The following EXOC6B variants were observed in gnomAD, a reference collection of about 807,000 sequenced individuals.
EXOC6B encodes the protein SEC15 homolog B.
Under a neutral mutation model 113.5 loss-of-function variants are expected in EXOC6B, and 54 were observed. The observed-to-expected ratio is 0.48, with a 90% CI of 0.38 to 0.60. The LOEUF (loss-of-function observed/expected upper bound fraction) is 0.60. EXOC6B is among the 20% of genes least tolerant of loss of function. The probability of loss-of-function intolerance (pLI) is 0.00; values close to 1 mark genes in which losing one functional copy is unlikely to be tolerated. For missense variants in EXOC6B, 797 were observed against 977.5 expected (o/e 0.82, Z 2.46); for synonymous variants, 357 against 339.0 (o/e 1.05, Z -0.58).
intron 20 of EXOC6B, among the ~76,000 whole-genome samples, chr2:72,326,965 G>C (rs1473636524): frequency 6.6e-6 from 1 of 151,972 alleles, no homozygotes; most frequent in East Asian, 1.9e-4. Context: ...CCATGAGTCA[G>C]AAGGCCAAAC....
chr2:72,388,044 T>G (rs965567113), intron 18 of EXOC6B, among the ~76,000 whole-genome samples: 1 of 152,094 alleles, frequency 6.6e-6, no homozygotes, highest in Non-Finnish European at 1.5e-5. Context: ...ACATGTTTGG[T>G]TGTCACAACT....
At chr2:72,620,101 G>T (rs796667575) in intron 6 of EXOC6B, among the ~76,000 whole-genome samples, 9 of 152,338 alleles carry the variant, frequency 5.9e-5, no homozygotes, top group African/African-American at 2.2e-4. Flanking sequence ...CCAGTCCTTC[G>T]AGGAAGCTGG....
chr2:72,199,959 C>T (rs922902863), intron 20 of EXOC6B, among the ~76,000 whole-genome samples: 3 of 152,122 alleles, frequency 2.0e-5, no homozygotes, highest in Admixed American at 6.6e-5. Context: ...TGCAACGGCA[C>T]GATCTCGGCT....
chr2:72,750,661 T>C (rs1005341964), intron 1 of EXOC6B, among the ~76,000 whole-genome samples: 2 of 152,106 alleles, frequency 1.3e-5, no homozygotes, highest in African/African-American at 2.4e-5. Context: ...CCATGATAAT[T>C]TGAAAGCACA....
At chr2:72,474,777 G>C (rs1558706184) in intron 17 of EXOC6B, among the ~76,000 whole-genome samples, 1 of 152,038 alleles carries the variant, frequency 6.6e-6, no homozygotes, top group Non-Finnish European at 1.5e-5. Context: ...TTTGGGACCT[G>C]TTGTTGGAGA....
chr2:72,664,279 A>G (rs1675229470), intron 6 of EXOC6B, among the ~76,000 whole-genome samples: 1 of 152,088 alleles, frequency 6.6e-6, no homozygotes, highest in African/African-American at 2.4e-5. Context: ...TTCAGAGAGA[A>G]AACACTGAGA....
intron 7 of EXOC6B, 104 bp downstream of exon 7, chr2:72,575,385 CAGA>C (rs1573422450): frequency 1.0e-6 from 1 of 962,344 alleles, no homozygotes; most frequent in Non-Finnish European, 1.5e-6. Flanking sequence ...ATTTGATATT[CAGA>C]AGATCACACA....
intron 7 of EXOC6B, among the ~76,000 whole-genome samples, chr2:72,560,686 G>A (rs1703841185): frequency 6.6e-6 from 1 of 152,038 alleles, no homozygotes; most frequent in Non-Finnish European, 1.5e-5. Context: ...CTGTTCATCT[G>A]CTTCGCACCC....
intron 20 of EXOC6B, among the ~76,000 whole-genome samples, chr2:72,299,427 T>C (rs992373788): frequency 4.6e-5 from 7 of 151,956 alleles, no homozygotes; most frequent in African/African-American, 1.7e-4. Context: ...TCATCTAACC[T>C]TTTTTTAAGG....
At chr2:72,326,129 GT>G (rs1558559857) in intron 20 of EXOC6B, among the ~76,000 whole-genome samples, 1 of 152,076 alleles carries the variant, frequency 6.6e-6, no homozygotes, top group Non-Finnish European at 1.5e-5. Context: ...ACACAGTGCA[GT>G]TAACGAAGAT....
intron 1 of EXOC6B, among the ~76,000 whole-genome samples, chr2:72,760,307 A>G (rs1682664181): frequency 6.6e-6 from 1 of 152,304 alleles, no homozygotes; most frequent in Admixed American, 6.5e-5. Flanking sequence ...GCTTTGCTAC[A>G]TAACCTTTTA....
intron 6 of EXOC6B, among the ~76,000 whole-genome samples, chr2:72,606,691 C>T (rs1281287781): frequency 6.6e-6 from 1 of 151,106 alleles, no homozygotes; most frequent in Non-Finnish European, 1.5e-5. Flanking sequence ...TGCAGTGGCC[C>T]ACTCTCGGTT....
At chr2:72,736,206 A>C (rs563985328) in intron 2 of EXOC6B, among the ~76,000 whole-genome samples, 1 of 151,148 alleles carries the variant, frequency 6.6e-6, no homozygotes, top group East Asian at 1.9e-4. Context: ...AAAAAAAAAA[A>C]CAAAACAATA....
At chr2:72,464,814 G>C (rs976887155) in intron 18 of EXOC6B, 6 of 258,686 alleles carry the variant, frequency 2.3e-5, no homozygotes, top group African/African-American at 6.6e-5. Flanking sequence ...AAAAGTTAAA[G>C]AATATTCTAA....
rs1343375874 is a variant in EXOC6B, at chr2:72,692,147, T to G, written c.669+25956A>C. Reference sequence around the variant, plus strand: ...TAAGTTAATGAGGTGAAAGTGTTAATTATTATATGCTTACTAGATGATTAC... The same window carrying G: ...TAAGTTAATGAGGTGAAAGTGTTAAGTATTATATGCTTACTAGATGATTAC... On this transcript the variant is annotated intron_variant, in intron 6 of 21. Coordinates refer to ENST00000272427, the MANE Select transcript of EXOC6B (RefSeq NM_015189.3). 2.0e-5 allele frequency among the ~76,000 whole-genome samples: 3 copies of G among 152,276 alleles called. No individual in the cohort carries two copies. In the East Asian group the frequency reaches 5.8e-4, roughly 29 times the overall value.
intron 1 of EXOC6B, among the ~76,000 whole-genome samples, chr2:72,792,697 C>T (rs910077971): frequency 3.3e-5 from 5 of 152,036 alleles, no homozygotes; most frequent in Admixed American, 6.6e-5. Flanking sequence ...GTAAAAAAAC[C>T]GAGGCTAATG....
intron 1 of EXOC6B, among the ~76,000 whole-genome samples, chr2:72,785,032 GA>G (rs1684288651): frequency 6.6e-6 from 1 of 152,196 alleles, no homozygotes; most frequent in Admixed American, 6.5e-5. Context: ...CCAAATGGGA[GA>G]AATTGGCCAA....
chr2:72,376,120 AT>A (rs1197668732), intron 19 of EXOC6B, among the ~76,000 whole-genome samples: 1 of 152,100 alleles, frequency 6.6e-6, no homozygotes, highest in Non-Finnish European at 1.5e-5. Flanking sequence ...GAAAAAAAAA[AT>A]GTGTTAAGGA....
chr2:72,554,671 T>C (rs1461260110), intron 8 of EXOC6B, among the ~76,000 whole-genome samples: 1 of 152,200 alleles, frequency 6.6e-6, no homozygotes. Flanking sequence ...CTTTTCTTTA[T>C]AATTACCCAG....
Sources: allele counts gnomAD v4.1 joint callset (sites outside exome capture counted in the v4.1 genomes callset), GRCh38; gene constraint gnomAD v4.1.1; transcripts MANE v1.5; gene names NCBI Gene and HGNC (gene_info 2026-07-23, HGNC 2026-07-21).